GNG7: variants seen among roughly 807,000 people sequenced by gnomAD.
GNG7 encodes G protein subunit gamma 7.
GNG7 carries 1 observed loss-of-function variant against 4.0 expected under a neutral mutation model. That is an observed-to-expected ratio of 0.25 (90% CI 0.09 to 1.18). The LOEUF (loss-of-function observed/expected upper bound fraction) is 1.18. Ranked by LOEUF, GNG7 falls within the 50% of genes most tolerant of loss-of-function variation. The pLI is 0.50. For synonymous variants in GNG7, 34 were observed against 36.9 expected, an observed-to-expected ratio of 0.92 and a Z score of 0.29; for missense variants, 86 against 91.9, an observed-to-expected ratio of 0.94 and a Z score of 0.26.
intron 1 of GNG7, among the ~76,000 whole-genome samples, chr19:2,680,532 T>C (rs1249765723): frequency 6.6e-6 from 1 of 151,776 alleles, no homozygotes; most frequent in African/African-American, 2.4e-5. Flanking sequence ...AGACTAACAG[T>C]GGGTTTTTTA....
At chr19:2,643,271 C>T (rs7246929) in intron 2 of GNG7, 4 of 418,186 alleles carry the variant, frequency 9.6e-6, no homozygotes, top group Non-Finnish European at 1.9e-5. Context: ...CACACCTTCC[C>T]GCCCTGCACC....
Position 2,633,479 on chromosome 19 carries a change from GCGCGCGCGCACACACA to G in GNG7, c.-78+12729_-78+12744del, listed in dbSNP as rs1415332340. Among the ~76,000 whole-genome samples the G allele has an allele frequency of 4.1e-5, 3 of 73,370 alleles. No homozygotes were observed. The highest frequency in any genetic ancestry group is 1.6e-4 in the African/African-American group (3 of 18,998). 48.1% of individuals were successfully genotyped at this position (73,370 alleles called of 152,430 possible). ...CGGTTGCTTAGCAACAGGCGCGCGC[GCGCGCGCGCACACACA>G]CACACACACACACACACACACACAC... On this transcript the variant is annotated intron_variant, in intron 2 of 4. Transcript: ENST00000382159. The surrounding 1 kb of genome is among the most constrained non-coding windows in gnomAD (Gnocchi z 5.9).
At chr19:2,670,573 G>A (rs1000718617) in intron 1 of GNG7, among the ~76,000 whole-genome samples, 2 of 151,732 alleles carry the variant, frequency 1.3e-5, no homozygotes, top group East Asian at 1.9e-4. Flanking sequence ...GCTGTGTGAC[G>A]GGTGTGGAGA....
At chr19:2,590,786 C>T (rs914314740) in intron 2 of GNG7, among the ~76,000 whole-genome samples, 1 of 150,778 alleles carries the variant, frequency 6.6e-6, no homozygotes, top group African/African-American at 2.4e-5. Flanking sequence ...TCCATCCATC[C>T]ACCCAACCAA....
At chr19:2,648,987 C>T (rs1166831495) in intron 1 of GNG7, among the ~76,000 whole-genome samples, 4 of 151,910 alleles carry the variant, frequency 2.6e-5, no homozygotes, top group African/African-American at 9.7e-5. Flanking sequence ...CTCCTGGGCT[C>T]AAGCGATCCT....
intron 3 of GNG7, among the ~76,000 whole-genome samples, chr19:2,551,953 G>C (rs1232935161): frequency 3.3e-5 from 5 of 152,142 alleles, no homozygotes; most frequent in Non-Finnish European, 7.4e-5. Context: ...CCAAAGTGCT[G>C]GGATTACAGG....
At chr19:2,605,956 T>A (rs1273657917) in intron 2 of GNG7, among the ~76,000 whole-genome samples, 1 of 152,144 alleles carries the variant, frequency 6.6e-6, no homozygotes, top group Non-Finnish European at 1.5e-5. Context: ...TCCAGACATT[T>A]AGGAGCCAAT....
chr19:2,640,184 A>T (rs1982468642), intron 2 of GNG7, among the ~76,000 whole-genome samples: 1 of 138,588 alleles, frequency 7.2e-6, no homozygotes, highest in African/African-American at 2.7e-5. Flanking sequence ...ATAGGAAGGA[A>T]GGAGAGAGAA....
intron 3 of GNG7, among the ~76,000 whole-genome samples, chr19:2,531,025 G>A (rs1180299624): frequency 1.3e-5 from 2 of 152,150 alleles, no homozygotes; most frequent in Non-Finnish European, 2.9e-5. Context: ...AACGGTCACA[G>A]CTGGGCACAG....
At chr19:2,674,834 T>G (rs1983554595) in intron 1 of GNG7, among the ~76,000 whole-genome samples, 2 of 152,172 alleles carry the variant, frequency 1.3e-5, no homozygotes, top group African/African-American at 4.8e-5. Context: ...TGGTCGTAAC[T>G]CGCATTTCCA....
chr19:2,511,910 C>T lies in GNG7; in HGVS notation c.*3112G>A, dbSNP rs1165768789. 2.0e-6 allele frequency: 2 copies of T among 986,222 alleles called. No individual in the cohort carries two copies. Among genetic ancestry groups the T allele is most frequent in the African/African-American group, 1.7e-5 (1 of 57,344 alleles). The allele number at this position is 986,222 out of a possible 1,614,324, so 61.1% of individuals were successfully genotyped here. A position where few individuals can be genotyped will look rare whatever the true frequency, so the allele number is the denominator to read the frequency against. On this transcript the variant is annotated 3_prime_UTR_variant, in exon 5 of 5. Transcript: ENST00000382159. This position sits in a 1 kb window ranked among gnomAD's most constrained non-coding sequence, Gnocchi z 6.3. ...CCTGGAGAGAGGAGGGCAGGGGAGG[C>T]GGAGCTGGTCCGGGAAGGTGCCCAG...
intron 1 of GNG7, among the ~76,000 whole-genome samples, chr19:2,676,916 A>G (rs1353762064): frequency 6.6e-6 from 1 of 152,138 alleles, no homozygotes; most frequent in Non-Finnish European, 1.5e-5. Context: ...ACTTGCTCCG[A>G]TCTGCACATT....
At chr19:2,699,364 G>GTCTTGAATTCCTGACC (rs1234278137) in intron 1 of GNG7, among the ~76,000 whole-genome samples, 2 of 152,068 alleles carry the variant, frequency 1.3e-5, no homozygotes, top group Admixed American at 1.3e-4. Flanking sequence ...GGCCAGGATG[G>GTCTTGAATTCCTGACC]TCTTGAATTC....
intron 2 of GNG7, among the ~76,000 whole-genome samples, chr19:2,635,936 T>A (rs1219369054): frequency 1.3e-5 from 2 of 152,194 alleles, no homozygotes; most frequent in Admixed American, 6.5e-5. Flanking sequence ...TGGGGACATT[T>A]GTGGTTGTCA....
intron 2 of GNG7, among the ~76,000 whole-genome samples, chr19:2,620,854 C>G (rs1981851119): frequency 6.6e-6 from 1 of 152,184 alleles, no homozygotes; most frequent in Non-Finnish European, 1.5e-5. Context: ...AGAGAACAGA[C>G]TCCTGCGGTG....
intron 2 of GNG7, among the ~76,000 whole-genome samples, chr19:2,637,235 C>G (rs1284479108): frequency 6.6e-6 from 1 of 151,670 alleles, no homozygotes; most frequent in Admixed American, 6.6e-5. Flanking sequence ...GAGCCCGGCC[C>G]GTCTTTGCTG....
rs149674301 is a variant in GNG7 at position 2,695,924 on chromosome 19, C to T, written c.-135+6722G>A. Among the ~76,000 whole-genome samples, 104 of 152,072 alleles carry T rather than the reference C, an allele frequency of 6.8e-4. No individual in the cohort carries two copies. In the East Asian group the frequency reaches 0.014, roughly 21 times the overall value. ...CTGTAATCCCAGCACTTTGGGAGGCCGAGGCGGGCAGATCACCTGAGGTCA... is the reference window on the plus strand; with the variant it reads ...CTGTAATCCCAGCACTTTGGGAGGCTGAGGCGGGCAGATCACCTGAGGTCA... On this transcript the variant is annotated intron_variant, in intron 1 of 4. Coordinates refer to ENST00000382159, the MANE Select transcript of GNG7 (RefSeq NM_052847.3).
At chr19:2,677,815 C>A (rs910646808) in intron 1 of GNG7, among the ~76,000 whole-genome samples, 1 of 152,048 alleles carries the variant, frequency 6.6e-6, no homozygotes, top group Admixed American at 6.5e-5. Flanking sequence ...TCGGGGTGTC[C>A]CTGGCATAGA....
intron 2 of GNG7, among the ~76,000 whole-genome samples, chr19:2,590,646 C>T (rs934453400): frequency 6.9e-6 from 1 of 145,510 alleles, no homozygotes; most frequent in African/African-American, 2.5e-5. Flanking sequence ...TCCGTCCACC[C>T]ACCTATCCAT....
Sources: allele counts gnomAD v4.1 joint callset (sites outside exome capture counted in the v4.1 genomes callset), GRCh38; gene constraint gnomAD v4.1.1; non-coding constraint Gnocchi (gnomAD v3.1); transcripts MANE v1.5; gene names NCBI Gene and HGNC (gene_info 2026-07-23, HGNC 2026-07-21).